Variants in NRN1 observed in about 807,000 individuals in gnomAD.
NRN1 encodes neuritin 1, also known as neuritin.
Under a neutral mutation model 15.0 loss-of-function variants are expected in NRN1, and 4 were observed. The ratio of observed to expected loss-of-function variants is 0.27; its 90% CI spans 0.13 to 0.61. The LOEUF is 0.61. Among genes scored for constraint, NRN1 ranks in the 20% least tolerant of loss-of-function variants. The pLI is 0.87. For missense variants in NRN1, 134 were observed against 181.9 expected, an observed-to-expected ratio of 0.74 and a Z score of 1.51; for synonymous variants, 85 against 79.8, an observed-to-expected ratio of 1.07 and a Z score of -0.35.
Position 5,999,298 on chromosome 6 carries a change from C to G in NRN1, c.201-94G>C. The stretch of plus-strand genomic sequence containing the variant: ...GCCCCTGCGCCTCCCCGCTGGCGGC[C>G]CCGCCAACTTCCCGGGGTGTCCCCT... On this transcript the variant is annotated intron_variant, in intron 2 of 2. Transcript: ENST00000244766. The G allele has an allele frequency of 5.6e-6, 6 of 1,077,186 alleles. No individual in the cohort carries two copies. In the South Asian group the frequency reaches 6.6e-5, roughly 12 times the overall value. 66.7% of individuals were successfully genotyped at this position (1,077,186 alleles called of 1,614,324 possible). A position where few individuals can be genotyped will look rare whatever the true frequency, so the allele number is the denominator to read the frequency against.
In NRN1 at chr6:6,003,297, C is replaced by T. The variant is rs1235773759; in HGVS notation, c.56-800G>A. ...GTCTGGAGAGGAGAAGGCCAGAGGC[C>T]GGGCGGGGTCACGGATGAGTCTGCC... On this transcript the variant is annotated intron_variant, in intron 1 of 2. Coordinates refer to ENST00000244766, the MANE Select transcript of NRN1 (RefSeq NM_016588.3). The T allele has an allele frequency of 5.7e-6, 7 of 1,222,448 alleles. No homozygotes were observed. The South Asian group carries it at 1.7e-4, about 29-fold the overall frequency. 75.7% of individuals were successfully genotyped at this position (1,222,448 alleles called of 1,614,324 possible). A position where few individuals can be genotyped will look rare whatever the true frequency, so the allele number is the denominator to read the frequency against.
chr6:6,005,473 A>T (rs1218799275), intron 1 of NRN1, among the ~76,000 whole-genome samples: 6 of 152,200 alleles, frequency 3.9e-5, no homozygotes. Context: ...TCTCAAAATC[A>T]TGTCAGTTGC....
intron 1 of NRN1, among the ~76,000 whole-genome samples, chr6:6,005,038 G>A (rs1758070001): frequency 6.6e-6 from 1 of 151,710 alleles, no homozygotes; most frequent in African/African-American, 2.4e-5. Context: ...GAACAAATAC[G>A]TTCAATTTCA....
At chr6:6,000,636 C>T (rs1273235786) in intron 2 of NRN1, among the ~76,000 whole-genome samples, 1 of 150,546 alleles carries the variant, frequency 6.6e-6, no homozygotes, top group Non-Finnish European at 1.5e-5. Flanking sequence ...TAAACAGCAA[C>T]ATTTGGACAT....
At chr6:6,003,797 G>A in intron 1 of NRN1, 2 of 1,233,948 alleles carry the variant, frequency 1.6e-6, no homozygotes, top group Non-Finnish European at 2.0e-6. Flanking sequence ...AAGCAGCCCG[G>A]GCGCCGGGAG....
chr6:6,000,489 C>T (rs1054601738), intron 2 of NRN1, among the ~76,000 whole-genome samples: 6 of 152,126 alleles, frequency 3.9e-5, no homozygotes, highest in African/African-American at 1.4e-4. Context: ...CACCTGCCTT[C>T]TACATGGTTT....
At chr6:6,003,559 GA>G (rs1758024203) in intron 1 of NRN1, 1 of 559,604 alleles carries the variant, frequency 1.8e-6, no homozygotes, top group South Asian at 9.3e-5. Context: ...TCCCTGCAGA[GA>G]GCAGGCAGGG....
intron 1 of NRN1, chr6:6,003,186 G>A: frequency 8.1e-7 from 1 of 1,234,288 alleles, no homozygotes; most frequent in South Asian, 4.1e-5. Flanking sequence ...TCTGTATTCC[G>A]AGTGAGACCC....
Position 5,998,834 on chromosome 6 carries a change from C to T in NRN1, c.*142G>A. 2 of 633,446 alleles carry T rather than the reference C, an allele frequency of 3.2e-6. No homozygotes were observed. Among genetic ancestry groups the T allele is most frequent in the Non-Finnish European group, 5.4e-6 (2 of 367,932 alleles). 39.2% of individuals were successfully genotyped at this position (633,446 alleles called of 1,614,324 possible). On this transcript the variant is annotated 3_prime_UTR_variant, in exon 3 of 3. Transcript: ENST00000244766. The stretch of plus-strand genomic sequence containing the variant: ...AATCAAACGAAATAAAAAAGAGAAT[C>T]AGGATTTCCCACAATCCTATATGAG...
intron 2 of NRN1, 40 bp downstream of exon 2, chr6:6,002,313 C>T: frequency 6.2e-7 from 1 of 1,609,130 alleles, no homozygotes; most frequent in Non-Finnish European, 8.5e-7. Flanking sequence ...TCAGTAGCGC[C>T]CCCAAAACCG....
intron 1 of NRN1, chr6:6,003,617 C>G: frequency 1.1e-6 from 1 of 877,644 alleles, no homozygotes; most frequent in Non-Finnish European, 1.5e-6. Context: ...GAAACACAGG[C>G]CGCACGAAGG....
intron 2 of NRN1, 73 bp downstream of exon 2, chr6:6,002,280 G>A: frequency 1.3e-6 from 2 of 1,548,382 alleles, no homozygotes; most frequent in South Asian, 1.2e-5. Flanking sequence ...AGCGCAGGCG[G>A]GGAGGCTCGG....
intron 1 of NRN1, chr6:6,003,625 A>T: frequency 1.1e-6 from 1 of 947,602 alleles, no homozygotes; most frequent in Non-Finnish European, 1.4e-6. Context: ...GGCCGCACGA[A>T]GGTCCAAGCC....
intron 2 of NRN1, among the ~76,000 whole-genome samples, chr6:5,999,425 G>A (rs904622273): frequency 9.9e-5 from 15 of 152,222 alleles, no homozygotes; most frequent in Non-Finnish European, 1.8e-4. Flanking sequence ...GGGGGTGGGG[G>A]GGCGCCCCCT....
intron 1 of NRN1, among the ~76,000 whole-genome samples, chr6:6,006,032 G>A (rs1331586073): frequency 6.6e-6 from 1 of 152,196 alleles, no homozygotes; most frequent in Non-Finnish European, 1.5e-5. Flanking sequence ...AATGTGTAAA[G>A]TAGCAGGCAA....
intron 1 of NRN1, chr6:6,003,177 C>A: frequency 8.1e-7 from 1 of 1,234,046 alleles, no homozygotes; most frequent in Non-Finnish European, 1.0e-6. Flanking sequence ...ACCGTGGACT[C>A]TGTATTCCGA....
At chr6:6,006,250 C>G (rs959909138) in intron 1 of NRN1, among the ~76,000 whole-genome samples, 2 of 152,176 alleles carry the variant, frequency 1.3e-5, no homozygotes, top group African/African-American at 4.8e-5. Context: ...CAGTCTGAGC[C>G]CTGGAATATC....
Position 6,002,361 on chromosome 6 carries a change from G to C in NRN1, c.192C>G (p.Thr64=), listed in dbSNP as rs11550677. The C allele has an allele frequency of 1.2e-6, 2 of 1,614,222 alleles. No individual in the cohort carries two copies. Among genetic ancestry groups the C allele is most frequent in the East Asian group, 2.2e-5 (1 of 44,888 alleles). ...QGLDDKTNIK[T]VCTYWEDFHS... Reference sequence around the variant, plus strand: ...CCAGAGAGGACACTTACGTGCACACGGTCTTGATGTTCGTCTTGTCGTCCA... The same window carrying C: ...CCAGAGAGGACACTTACGTGCACACCGTCTTGATGTTCGTCTTGTCGTCCA... The change falls in exon 2 of 3, where the codon ACC becomes ACG. Residue 64 remains threonine (T), a synonymous_variant. Transcript: ENST00000244766.
intron 1 of NRN1, chr6:6,004,064 C>T: frequency 1.8e-6 from 2 of 1,138,000 alleles, no homozygotes; most frequent in Admixed American, 9.7e-5. Context: ...GAGAGCGTAC[C>T]CGTTTGCAAA....
Sources: gnomAD v4.1 joint callset for allele counts (sites outside exome capture counted in the v4.1 genomes callset) on GRCh38, gnomAD v4.1.1 for gene constraint, MANE v1.5 for transcripts, NCBI Gene and HGNC (gene_info 2026-07-23, HGNC 2026-07-21) for gene names.